SLC35D4: variants seen among roughly 807,000 people sequenced by gnomAD.
SLC35D4 encodes the protein solute carrier family 35 member D4.
chr18:23,420,436 C>T, the SLC35D4 span, among the ~76,000 whole-genome samples: 1 of 152,024 alleles, frequency 6.6e-6, no homozygotes, highest in Admixed American at 6.6e-5. Flanking sequence ...TGCTGTGGTG[C>T]AATCACAGCA....
the SLC35D4 span, chr18:23,377,714 T>G: frequency 1.2e-5 from 18 of 1,494,878 alleles, no homozygotes; most frequent in Middle Eastern, 4.6e-4. Context: ...TTTTAAAACT[T>G]TTTAAATTCC....
the SLC35D4 span, among the ~76,000 whole-genome samples, chr18:23,406,266 C>T: frequency 0.055 from 8,300 of 152,250 alleles, 312 homozygotes; most frequent in South Asian, 0.19. Flanking sequence ...CTCTACGAGA[C>T]AGAGAAACTT....
At chr18:23,379,431 A>G in the SLC35D4 span, among the ~76,000 whole-genome samples, 1 of 152,126 alleles carries the variant, frequency 6.6e-6, no homozygotes, top group Non-Finnish European at 1.5e-5. Flanking sequence ...GCAGTTACTC[A>G]AAATAGAGCT....
At chr18:23,373,718 G>C in the SLC35D4 span, 11 of 1,613,810 alleles carry the variant, frequency 6.8e-6, no homozygotes, top group Non-Finnish European at 9.3e-6. Context: ...TTACCTGGGA[G>C]TCATTGAAGG....
the SLC35D4 span, among the ~76,000 whole-genome samples, chr18:23,244,274 T>G: frequency 3.9e-5 from 6 of 152,366 alleles, no homozygotes; most frequent in Non-Finnish European, 7.3e-5. Context: ...GAACATGCTC[T>G]GTGCCACCCA....
chr18:23,352,311 T>C, the SLC35D4 span: 1 of 1,591,360 alleles, frequency 6.3e-7, no homozygotes, highest in Non-Finnish European at 8.6e-7. Flanking sequence ...AAAGATTCTC[T>C]TGTTAGTGAG....
chr18:23,268,712 G>T, the SLC35D4 span, among the ~76,000 whole-genome samples: 2 of 152,130 alleles, frequency 1.3e-5, no homozygotes. Context: ...ACCCCGTGTT[G>T]CAGGTCCACA....
the SLC35D4 span, among the ~76,000 whole-genome samples, chr18:23,374,485 CT>C: frequency 0.04 from 5,596 of 139,282 alleles, 127 homozygotes; most frequent in African/African-American, 0.081. Flanking sequence ...GATATGACAT[CT>C]TTTTTTTTTT....
At chr18:23,239,649 T>A in the SLC35D4 span, among the ~76,000 whole-genome samples, 1 of 152,350 alleles carries the variant, frequency 6.6e-6, no homozygotes, top group East Asian at 1.9e-4. Flanking sequence ...AGAATTCGCC[T>A]GTTGAACCAA....
chr18:23,334,698 T>C, the SLC35D4 span, among the ~76,000 whole-genome samples: 43 of 151,258 alleles, frequency 2.8e-4, no homozygotes, highest in South Asian at 5.9e-3. Flanking sequence ...CACCATAGAG[T>C]GAAGAAGGGG....
At chr18:23,324,799 C>T in the SLC35D4 span, among the ~76,000 whole-genome samples, 541 of 152,254 alleles carry the variant, frequency 3.6e-3, 3 homozygotes, top group African/African-American at 0.013. Context: ...GCACAGTCTA[C>T]GCCACTGAGT....
At chr18:23,238,657 G>A in the SLC35D4 span, among the ~76,000 whole-genome samples, 1 of 152,228 alleles carries the variant, frequency 6.6e-6, no homozygotes, top group South Asian at 2.1e-4. Flanking sequence ...AGCAACTGGT[G>A]TAAGAATAAG....
At chr18:23,279,232 G>C in the SLC35D4 span, among the ~76,000 whole-genome samples, 1 of 152,080 alleles carries the variant, frequency 6.6e-6, no homozygotes, top group African/African-American at 2.4e-5. Flanking sequence ...GTGAGAAGCA[G>C]GAAGAAGATA....
At chr18:23,410,954 C>A in the SLC35D4 span, among the ~76,000 whole-genome samples, 3,968 of 152,162 alleles carry the variant, frequency 0.026, 175 homozygotes, top group African/African-American at 0.09. Context: ...ACTAATGCAA[C>A]AATTCCCCAC....
At chr18:23,273,905 G>T in the SLC35D4 span, among the ~76,000 whole-genome samples, 7 of 152,050 alleles carry the variant, frequency 4.6e-5, no homozygotes, top group Admixed American at 1.3e-4. Context: ...TTCAACAAAC[G>T]TTTGAGAGGA....
the SLC35D4 span, chr18:23,421,580 C>T: frequency 2.9e-6 from 2 of 693,156 alleles, no homozygotes; most frequent in South Asian, 1.8e-5. Flanking sequence ...TACTCTCTCC[C>T]AATTATCCCA....
chr18:23,432,303 G>C, the SLC35D4 span, among the ~76,000 whole-genome samples: 1 of 152,106 alleles, frequency 6.6e-6, no homozygotes, highest in Non-Finnish European at 1.5e-5. Flanking sequence ...AAAAAGAAAC[G>C]CAATTCCTCA....
the SLC35D4 span, among the ~76,000 whole-genome samples, chr18:23,242,142 G>GT: frequency 1.3e-5 from 2 of 152,210 alleles, no homozygotes; most frequent in African/African-American, 4.8e-5. Context: ...GCCAGGTGTA[G>GT]TGGCAGGCGC....
chr18:23,427,736 A>T, the SLC35D4 span, among the ~76,000 whole-genome samples: 1 of 152,220 alleles, frequency 6.6e-6, no homozygotes, highest in African/African-American at 2.4e-5. Flanking sequence ...TTATTGCGGC[A>T]CTATTCACAA....
Sources: gnomAD v4.1 joint callset for allele counts (sites outside exome capture counted in the v4.1 genomes callset) on GRCh38, gnomAD v4.1.1 for gene constraint, MANE v1.5 for transcripts, NCBI Gene and HGNC (gene_info 2026-07-23, HGNC 2026-07-21) for gene names.